Variants in INPP4B observed in about 807,000 individuals in gnomAD.
INPP4B encodes the protein inositol polyphosphate 4-phosphatase type II.
Under a neutral mutation model 122.5 loss-of-function variants are expected in INPP4B, and 55 were observed. That is an observed-to-expected ratio of 0.45 (90% CI 0.36 to 0.56). The LOEUF is 0.56. Ranked by LOEUF, INPP4B falls within the 20% of genes least tolerant of loss-of-function variation. The pLI is 0.00. For missense variants in INPP4B, 1,000 were observed against 1,097.7 expected, an observed-to-expected ratio of 0.91 and a Z score of 1.26; for synonymous variants, 403 against 388.7, an observed-to-expected ratio of 1.04 and a Z score of -0.43.
chr4:142,626,872 CT>C (rs1423036185), intron 2 of INPP4B, among the ~76,000 whole-genome samples: 1 of 152,006 alleles, frequency 6.6e-6, no homozygotes, highest in East Asian at 1.9e-4. Flanking sequence ...TAAGGTATTT[CT>C]TCCATTCTCT....
At chr4:142,798,244 C>G (rs1453787916) in intron 1 of INPP4B, among the ~76,000 whole-genome samples, 1 of 151,808 alleles carries the variant, frequency 6.6e-6, no homozygotes, top group African/African-American at 2.4e-5. Flanking sequence ...CAAAATGTGG[C>G]ATGATTTTGA....
rs946635525 is a variant in INPP4B at position 142,648,253 on chromosome 4, A to T, written c.-191+77586T>A. On this transcript the variant is annotated intron_variant, in intron 2 of 25. Coordinates refer to ENST00000262992, the MANE Select transcript of INPP4B (RefSeq NM_001101669.3). Reference sequence around the variant, plus strand: ...TGGTCTTCAGCTCCCAGCATGATCGATGCAGAAGATGGGTGATTTCTGCAT... The same window carrying T: ...TGGTCTTCAGCTCCCAGCATGATCGTTGCAGAAGATGGGTGATTTCTGCAT... Among the ~76,000 whole-genome samples the T allele has an allele frequency of 4.6e-5, 7 of 152,332 alleles. No individual in the cohort carries two copies. The South Asian group carries it at 6.2e-4, about 14-fold the overall frequency.
chr4:142,383,502 A>T (rs1209299783), intron 7 of INPP4B, among the ~76,000 whole-genome samples: 1 of 152,166 alleles, frequency 6.6e-6, no homozygotes, highest in African/African-American at 2.4e-5. Flanking sequence ...CTGAGCAGAC[A>T]CCCATCAAAA....
At position 142,694,152 on chromosome 4, in the gene INPP4B, C is replaced by T. The variant is rs548430877; in HGVS notation, c.-191+31687G>A. On this transcript the variant is annotated intron_variant, in intron 2 of 25. Transcript: ENST00000262992. ...CTTTGGGAGGCCGACGCAGGCAGATCGCTTGAGGTCGGGAGTTCCAGACCA... is the reference window on the plus strand; with the variant it reads ...CTTTGGGAGGCCGACGCAGGCAGATTGCTTGAGGTCGGGAGTTCCAGACCA... Among the ~76,000 whole-genome samples, 52 of 152,170 alleles carry T rather than the reference C, an allele frequency of 3.4e-4. 1 individual carries two copies. The South Asian group carries it at 9.6e-3, about 28-fold the overall frequency.
At chr4:142,178,587 AGCT>A (rs1405827643) in intron 15 of INPP4B, among the ~76,000 whole-genome samples, 1 of 152,102 alleles carries the variant, frequency 6.6e-6, no homozygotes, top group Non-Finnish European at 1.5e-5. Flanking sequence ...TGCTCAACCA[AGCT>A]ACTATTTTAT....
intron 2 of INPP4B, among the ~76,000 whole-genome samples, chr4:142,713,984 A>G (rs1038148796): frequency 1.1e-4 from 16 of 152,272 alleles, no homozygotes; most frequent in African/African-American, 3.6e-4. Flanking sequence ...ATGAAAACAT[A>G]CACTAAAATA....
chr4:142,283,462 G>T (rs140998601), intron 9 of INPP4B, among the ~76,000 whole-genome samples: 53 of 152,278 alleles, frequency 3.5e-4, no homozygotes, highest in African/African-American at 1.3e-3. Context: ...TATATTCTAA[G>T]AAATATGCCA....
rs1238589902 is a variant in INPP4B at position 142,061,930 on chromosome 4, ATATATATAT to A, written c.2642+20092_2642+20100del. Among the ~76,000 whole-genome samples, 47 of 83,536 alleles carry A rather than the reference ATATATATAT, an allele frequency of 5.6e-4. 1 individual carries two copies. The highest frequency in any genetic ancestry group is 2.0e-3 in the African/African-American group (43 of 21,634). 54.8% of individuals were successfully genotyped at this position (83,536 alleles called of 152,430 possible). On this transcript the variant is annotated intron_variant, in intron 25 of 25. Transcript: ENST00000262992. Reference sequence around the variant, plus strand: ...TATATATATATATATATATATATATATATATATATATCTGTAACTTTGGTCTCCAAAGCA... The same window carrying A: ...TATATATATATATATATATATATATAATCTGTAACTTTGGTCTCCAAAGCA...
intron 2 of INPP4B, among the ~76,000 whole-genome samples, chr4:142,656,122 G>A (rs1407847087): frequency 6.6e-6 from 1 of 152,184 alleles, no homozygotes; most frequent in African/African-American, 2.4e-5. Context: ...CAGCAGGGAG[G>A]AGCCTGGCCC....
At chr4:142,094,164 TCTC>T (rs1780814725) in intron 23 of INPP4B, among the ~76,000 whole-genome samples, 2 of 152,098 alleles carry the variant, frequency 1.3e-5, no homozygotes, top group African/African-American at 2.4e-5. Flanking sequence ...TAAACTCCAG[TCTC>T]CTCAAGATGC....
chr4:142,807,183 G>C (rs1304128561), intron 1 of INPP4B, among the ~76,000 whole-genome samples: 1 of 152,114 alleles, frequency 6.6e-6, no homozygotes, highest in East Asian at 1.9e-4. Flanking sequence ...TTCCTTCCAT[G>C]GTAGCAAATA....
chr4:142,344,779 T>TG (rs911640259), intron 7 of INPP4B, among the ~76,000 whole-genome samples: 2 of 151,906 alleles, frequency 1.3e-5, no homozygotes, highest in Non-Finnish European at 2.9e-5. Context: ...GTTTAGTACC[T>TG]GGGGGATGAA....
intron 25 of INPP4B, among the ~76,000 whole-genome samples, chr4:142,033,131 AGG>A (rs1741444758): frequency 6.6e-6 from 1 of 152,170 alleles, no homozygotes; most frequent in Non-Finnish European, 1.5e-5. Context: ...TGGGTCTCCA[AGG>A]AGGCTTTTAG....
At position 142,488,320 on chromosome 4, in the gene INPP4B, T is replaced by C. The variant is rs1482297588; in HGVS notation, c.-190-25594A>G. Among the ~76,000 whole-genome samples, 3 of 152,116 alleles carry C rather than the reference T, an allele frequency of 2.0e-5. No individual in the cohort carries two copies. In the East Asian group the frequency reaches 5.8e-4, roughly 29 times the overall value. On this transcript the variant is annotated intron_variant, in intron 2 of 25. Transcript: ENST00000262992. Reference sequence around the variant, plus strand: ...TTTCCAATATTTTGTTAAGAGCTTTTTATCTCTTTTGATGAGGGATAATGG... The same window carrying C: ...TTTCCAATATTTTGTTAAGAGCTTTCTATCTCTTTTGATGAGGGATAATGG...
intron 12 of INPP4B, among the ~76,000 whole-genome samples, chr4:142,223,935 T>C (rs58053977): frequency 6.6e-6 from 1 of 152,198 alleles, no homozygotes; most frequent in African/African-American, 2.4e-5. Context: ...CTACGAAGTT[T>C]ATTTGATATA....
Position 142,160,543 on chromosome 4 carries a change from C to T in INPP4B, c.1378G>A (p.Ala460Thr), listed in dbSNP as rs1819605521. 6.3e-7 allele frequency: 1 copy of T among 1,597,650 alleles called. No homozygotes were observed. Among genetic ancestry groups the T allele is most frequent in the African/African-American group, 1.3e-5 (1 of 74,582 alleles). The change falls in exon 17 of 26, where the codon GCC becomes ACC. Residue 460 changes from alanine (A) to threonine (T), a missense_variant. Physicochemically the swap from Ala to Thr is moderately conservative, Grantham distance 58. Coordinates refer to ENST00000262992, the MANE Select transcript of INPP4B (RefSeq NM_001101669.3). ...LSEKTELFVH[A>T]FKDQLVRSAL... ...CTCCTGACAAGTTGATCCTTGAAGG[C>T]ATGTACAAAAAGCTCTGTCTGGAAA...
chr4:142,621,507 TTAATA>T (rs1744925380), intron 2 of INPP4B, among the ~76,000 whole-genome samples: 1 of 151,930 alleles, frequency 6.6e-6, no homozygotes, highest in Admixed American at 6.6e-5. Context: ...TCATCTGTAT[TTAATA>T]CTAATATAAG....
intron 21 of INPP4B, among the ~76,000 whole-genome samples, chr4:142,113,225 G>C (rs1791159303): frequency 6.6e-6 from 1 of 151,920 alleles, no homozygotes; most frequent in Admixed American, 6.6e-5. Flanking sequence ...CATATCACAG[G>C]AGCATTTTTC....
intron 25 of INPP4B, among the ~76,000 whole-genome samples, chr4:142,072,371 G>C (rs1034820912): frequency 4.6e-5 from 7 of 151,876 alleles, no homozygotes; most frequent in Non-Finnish European, 8.8e-5. Context: ...AGCCTTAGGA[G>C]ATATACCTAA....
Sources: gnomAD v4.1 joint callset for allele counts (sites outside exome capture counted in the v4.1 genomes callset) on GRCh38, gnomAD v4.1.1 for gene constraint, MANE v1.5 for transcripts, NCBI Gene and HGNC (gene_info 2026-07-23, HGNC 2026-07-21) for gene names.